Variants in APOL5 observed in about 807,000 individuals in gnomAD.
The protein encoded by APOL5 is apolipoprotein L5, also known as apolipoprotein L, 5.
APOL5 carries 29 observed loss-of-function variants against 35.5 expected under a neutral mutation model. The ratio of observed to expected loss-of-function variants is 0.82; its 90% CI spans 0.61 to 1.11. The LOEUF is 1.11. APOL5 is among the 50% of genes most tolerant of loss of function. The pLI is 0.00. For synonymous variants in APOL5, 188 were observed against 200.2 expected, an observed-to-expected ratio of 0.94 and a Z score of 0.51; for missense variants, 514 against 530.4, an observed-to-expected ratio of 0.97 and a Z score of 0.30.
intron 2 of APOL5, among the ~76,000 whole-genome samples, chr22:35,725,560 G>GT (rs886454715): frequency 7.3e-4 from 109 of 148,336 alleles, no homozygotes; most frequent in South Asian, 2.1e-3. Flanking sequence ...GCCAGGACTG[G>GT]TTTTTTTTTT....
intron 3 of APOL5, among the ~76,000 whole-genome samples, chr22:35,728,435 G>C (rs546382620): frequency 3.3e-5 from 5 of 152,282 alleles, no homozygotes; most frequent in Admixed American, 3.3e-4. Context: ...GTGTTAGCCA[G>C]GATGGTCTCG....
At chr22:35,717,870 G>C (rs778954997), upstream of APOL5, 12 of 1,571,970 alleles carry the variant, frequency 7.6e-6, no homozygotes, top group Admixed American at 1.8e-5. Flanking sequence ...AAAATCTAAA[G>C]CATGCCATGT....
chr22:35,709,776 C>CT, the APOL5 span, among the ~76,000 whole-genome samples: 6 of 151,682 alleles, frequency 4.0e-5, no homozygotes, highest in East Asian at 1.9e-4. Context: ...TCTTCTATAT[C>CT]TTTTTTTTTA....
upstream of APOL5, among the ~76,000 whole-genome samples, chr22:35,716,920 C>T (rs957395357): frequency 5.3e-5 from 8 of 151,912 alleles, no homozygotes; most frequent in Non-Finnish European, 1.2e-4. Flanking sequence ...CAGTCCCCGG[C>T]ATGGATTTTT....
intron 1 of APOL5, among the ~76,000 whole-genome samples, chr22:35,718,574 A>G (rs5755924): frequency 0.71 from 102,127 of 142,952 alleles, 37,254 homozygotes; most frequent in African/African-American, 0.83. Flanking sequence ...AGCCTGGACA[A>G]CAGACAGAGA....
At chr22:35,725,917 T>C (rs1349311695) in intron 2 of APOL5, among the ~76,000 whole-genome samples, 2 of 152,138 alleles carry the variant, frequency 1.3e-5, no homozygotes, top group Admixed American at 6.5e-5. Flanking sequence ...GGCAGTCTGG[T>C]CCCTAGGCAA....
the APOL5 span, among the ~76,000 whole-genome samples, chr22:35,711,599 TTTCCTTCCTTCCTTCCTTCC>T: frequency 1.3e-5 from 1 of 77,506 alleles, no homozygotes; most frequent in African/African-American, 5.6e-5. Flanking sequence ...TCACCATGTT[TTTCCTTCCTTCCTTCCTTCC>T]TTCCTTCCTT....
At chr22:35,708,635 C>T in the APOL5 span, among the ~76,000 whole-genome samples, 1 of 152,108 alleles carries the variant, frequency 6.6e-6, no homozygotes, top group South Asian at 2.1e-4. Flanking sequence ...GGGGCAGAGC[C>T]GTCCATGGTT....
chr22:35,713,686 C>T (rs568941074), upstream of APOL5, among the ~76,000 whole-genome samples: 1 of 152,266 alleles, frequency 6.6e-6, no homozygotes, highest in African/African-American at 2.4e-5. Context: ...GAGAGAAGTG[C>T]CAAGGGATCC....
the APOL5 span, among the ~76,000 whole-genome samples, chr22:35,708,676 T>C: frequency 6.6e-6 from 1 of 152,174 alleles, no homozygotes; most frequent in Non-Finnish European, 1.5e-5. Flanking sequence ...ATATACGCTT[T>C]CCTCTGCGCT....
At chr22:35,719,212 G>A (rs564552803) in intron 1 of APOL5, among the ~76,000 whole-genome samples, 1 of 151,978 alleles carries the variant, frequency 6.6e-6, no homozygotes, top group East Asian at 1.9e-4. Flanking sequence ...GGTGATTTTT[G>A]TCAAATTATA....
chr22:35,719,882 C>T (rs1403927600), intron 1 of APOL5, among the ~76,000 whole-genome samples: 1 of 152,160 alleles, frequency 6.6e-6, no homozygotes, highest in Non-Finnish European at 1.5e-5. Context: ...AAGGTTTTAT[C>T]GAGTGTAGTT....
intron 1 of APOL5, among the ~76,000 whole-genome samples, chr22:35,719,905 A>T (rs1256489527): frequency 6.6e-6 from 1 of 151,986 alleles, no homozygotes; most frequent in African/African-American, 2.4e-5. Flanking sequence ...CAGCAGATGG[A>T]TGGGGAGCCA....
chr22:35,717,235 A>AATATATATATATATAT (rs1555930034), upstream of APOL5, among the ~76,000 whole-genome samples: 55 of 57,450 alleles, frequency 9.6e-4, no homozygotes, highest in East Asian at 8.7e-3. Context: ...AAAAAAAAAA[A>AATATATATATATATAT]ATATATATAT....
rs1485297376 is a variant in APOL5, at chr22:35,726,885, G to A, written c.817G>A (p.Ala273Thr). Residue 273 changes from alanine (A) to threonine (T), a missense_variant, in exon 3 of 5, where the codon GCT (alanine) becomes ACT (threonine). By Grantham distance (58) the Ala-to-Thr change is moderately conservative. Coordinates refer to ENST00000249044, the MANE Select transcript of APOL5 (RefSeq NM_030642.1). Reference sequence around the variant, plus strand: ...CAAGAGACACATCCCTTTCTGGACGGCTAGAGGGGTGCAGAGAGCCTTTGA... The same window carrying A: ...CAAGAGACACATCCCTTTCTGGACGACTAGAGGGGTGCAGAGAGCCTTTGA... Reference protein sequence around the residue: ...VAKRHIPFWTARGVQRAFEGT... With the variant: ...VAKRHIPFWTTRGVQRAFEGT... The A allele has an allele frequency of 1.2e-6, 2 of 1,614,080 alleles. No homozygotes were observed. Among genetic ancestry groups the A allele is most frequent in the African/African-American group, 1.3e-5 (1 of 74,922 alleles).
At chr22:35,716,709 T>C (rs1480341968), upstream of APOL5, among the ~76,000 whole-genome samples, 5 of 152,024 alleles carry the variant, frequency 3.3e-5, no homozygotes, top group African/African-American at 1.2e-4. Flanking sequence ...TGTATCTCCT[T>C]CGAGAATATT....
At chr22:35,715,524 T>C (rs1201151229), upstream of APOL5, among the ~76,000 whole-genome samples, 1 of 152,122 alleles carries the variant, frequency 6.6e-6, no homozygotes, top group Non-Finnish European at 1.5e-5. Flanking sequence ...TGCACACCTA[T>C]AATCCCAGCT....
At chr22:35,717,836 T>C (rs959117339), upstream of APOL5, 1 of 1,481,832 alleles carries the variant, frequency 6.7e-7, no homozygotes, top group Non-Finnish European at 9.1e-7. Flanking sequence ...TATTTATTAA[T>C]CATATTATAA....
intron 2 of APOL5, 80 bp downstream of exon 2, chr22:35,720,734 CA>C: frequency 9.7e-7 from 1 of 1,030,106 alleles, no homozygotes; most frequent in Non-Finnish European, 1.5e-6. Flanking sequence ...ACCCAGCACT[CA>C]ATGAGTATTT....
Sources: allele counts gnomAD v4.1 joint callset (sites outside exome capture counted in the v4.1 genomes callset), GRCh38; gene constraint gnomAD v4.1.1; transcripts MANE v1.5; gene names NCBI Gene and HGNC (gene_info 2026-07-23, HGNC 2026-07-21).